CNTNAP2: variants seen among roughly 807,000 people sequenced by gnomAD.
CNTNAP2 encodes the protein contactin-associated protein-like 2.
CNTNAP2 carries 98 observed loss-of-function variants against 155.2 expected under a neutral mutation model. The observed-to-expected ratio is 0.63, with a 90% CI of 0.54 to 0.75. The LOEUF (loss-of-function observed/expected upper bound fraction) is 0.75. Ranked by LOEUF, CNTNAP2 falls within the 30% of genes least tolerant of loss-of-function variation. The pLI is 0.00. For missense variants in CNTNAP2, 1,727 were observed against 1,688.1 expected (o/e 1.02, Z -0.40); for synonymous variants, 651 against 631.2 (o/e 1.03, Z -0.47).
At chr7:146,814,485 T>G (rs1327420011) in intron 2 of CNTNAP2, among the ~76,000 whole-genome samples, 1 of 152,152 alleles carries the variant, frequency 6.6e-6, no homozygotes, top group Non-Finnish European at 1.5e-5. Context: ...TTTGGCATGG[T>G]TGTCTAAATA....
At chr7:146,345,400 A>C (rs1009815311) in intron 1 of CNTNAP2, among the ~76,000 whole-genome samples, 2 of 152,212 alleles carry the variant, frequency 1.3e-5, no homozygotes, top group East Asian at 3.8e-4. Context: ...GTTTGCTGAC[A>C]GCGCCTGATA....
At chr7:147,775,296 TATATATATTTATAA>T (rs1398313498) in intron 13 of CNTNAP2, among the ~76,000 whole-genome samples, 2 of 40,910 alleles carry the variant, frequency 4.9e-5, no homozygotes, top group African/African-American at 4.0e-4. Context: ...TATATATATT[TATATATATTTATAA>T]ATATATATAT....
intron 1 of CNTNAP2, among the ~76,000 whole-genome samples, chr7:146,150,224 A>T (rs1259810985): frequency 2.0e-5 from 3 of 152,156 alleles, no homozygotes; most frequent in Non-Finnish European, 4.4e-5. Flanking sequence ...ACTCACTAGA[A>T]TTGCTAAAAT....
chr7:148,129,905 T>C (rs775639326), intron 16 of CNTNAP2, among the ~76,000 whole-genome samples: 2 of 152,172 alleles, frequency 1.3e-5, no homozygotes, highest in Non-Finnish European at 2.9e-5. Flanking sequence ...CTCCTAAGGA[T>C]GATGGGGGGA....
chr7:148,215,200 G>A (rs1417551636), intron 18 of CNTNAP2, among the ~76,000 whole-genome samples: 1 of 152,142 alleles, frequency 6.6e-6, no homozygotes, highest in Non-Finnish European at 1.5e-5. Context: ...GCATTGCAAT[G>A]GGAATATGCA....
chr7:147,255,334 A>G (rs927569942), intron 8 of CNTNAP2, among the ~76,000 whole-genome samples: 1 of 151,924 alleles, frequency 6.6e-6, no homozygotes, highest in African/African-American at 2.4e-5. Context: ...CAAACTTCCC[A>G]CCTCAGCCTC....
In CNTNAP2 at chr7:146,650,574, G is replaced by T. The variant is rs541515938; in HGVS notation, c.98-123697G>T. 3.9e-5 allele frequency among the ~76,000 whole-genome samples: 6 copies of T among 152,154 alleles called. No homozygotes were observed. The East Asian group carries it at 1.2e-3, about 29-fold the overall frequency. On this transcript the variant is annotated intron_variant, in intron 1 of 23. Coordinates refer to ENST00000361727, the MANE Select transcript of CNTNAP2 (RefSeq NM_014141.6). ...GGGGGGCTAGGAGGAATAGCATTAGGAGAAATACCTAATGTAGATGACGAG... is the reference window on the plus strand; with the variant it reads ...GGGGGGCTAGGAGGAATAGCATTAGTAGAAATACCTAATGTAGATGACGAG...
chr7:148,347,155 G>T (rs1445471871), intron 21 of CNTNAP2, among the ~76,000 whole-genome samples: 17 of 152,098 alleles, frequency 1.1e-4, no homozygotes, highest in Non-Finnish European at 2.4e-4. Context: ...TACTTGGGAG[G>T]CTGAGGCAGG....
At chr7:146,978,584 C>G (rs951381429) in intron 3 of CNTNAP2, among the ~76,000 whole-genome samples, 6 of 151,954 alleles carry the variant, frequency 3.9e-5, no homozygotes, top group African/African-American at 1.4e-4. Context: ...TGTGTTCTCT[C>G]TCTCCCTCTC....
At chr7:147,799,628 G>A (rs1312156221) in intron 13 of CNTNAP2, among the ~76,000 whole-genome samples, 1 of 152,238 alleles carries the variant, frequency 6.6e-6, no homozygotes, top group Non-Finnish European at 1.5e-5. Context: ...GCAGAATTTA[G>A]GAAGATGTAT....
intron 8 of CNTNAP2, among the ~76,000 whole-genome samples, chr7:147,242,636 C>T (rs1056029319): frequency 1.3e-5 from 2 of 152,058 alleles, no homozygotes; most frequent in African/African-American, 4.8e-5. Flanking sequence ...TTTTCCTTAT[C>T]GCTCTTTTGA....
chr7:148,336,073 C>T (rs907166632), intron 21 of CNTNAP2, among the ~76,000 whole-genome samples: 3 of 152,150 alleles, frequency 2.0e-5, no homozygotes, highest in Admixed American at 6.5e-5. Flanking sequence ...TAAGTAACTG[C>T]CTCTCATTAC....
chr7:147,141,809 C>A (rs1801603244), intron 8 of CNTNAP2, among the ~76,000 whole-genome samples: 1 of 152,094 alleles, frequency 6.6e-6, no homozygotes, highest in African/African-American at 2.4e-5. Flanking sequence ...GGGGTTCTCA[C>A]AGGAGCATTT....
intron 13 of CNTNAP2, among the ~76,000 whole-genome samples, chr7:147,796,618 T>C (rs1797899614): frequency 6.6e-6 from 1 of 151,794 alleles, no homozygotes; most frequent in African/African-American, 2.4e-5. Context: ...TTGTGAATTA[T>C]CCATAACAAG....
intron 1 of CNTNAP2, among the ~76,000 whole-genome samples, chr7:146,515,134 C>T (rs913448990): frequency 6.6e-6 from 1 of 152,030 alleles, no homozygotes; most frequent in Admixed American, 6.6e-5. Context: ...TCTGTAGAGA[C>T]AGCCTCTAAA....
intron 12 of CNTNAP2, among the ~76,000 whole-genome samples, chr7:147,625,899 T>C (rs1040473961): frequency 3.9e-5 from 6 of 152,108 alleles, no homozygotes; most frequent in African/African-American, 1.4e-4. Flanking sequence ...ATCCAGATCA[T>C]GAGATTATGG....
At chr7:148,326,758 G>A (rs777557745) in intron 21 of CNTNAP2, among the ~76,000 whole-genome samples, 12 of 151,990 alleles carry the variant, frequency 7.9e-5, no homozygotes, top group East Asian at 1.9e-4. Flanking sequence ...CCAGCTACTC[G>A]GGAGGCTGAG....
chr7:148,325,149 T>C (rs1451903826), intron 21 of CNTNAP2, among the ~76,000 whole-genome samples: 1 of 152,262 alleles, frequency 6.6e-6, no homozygotes, highest in African/African-American at 2.4e-5. Context: ...TGGACAGATT[T>C]TTGTCTTTTC....
intron 9 of CNTNAP2, among the ~76,000 whole-genome samples, chr7:147,317,709 A>G (rs943693339): frequency 5.3e-5 from 8 of 151,854 alleles, no homozygotes; most frequent in Non-Finnish European, 1.2e-4. Flanking sequence ...AATTAGGGAG[A>G]TTATTTGTTT....
Sources: allele counts gnomAD v4.1 joint callset (sites outside exome capture counted in the v4.1 genomes callset), GRCh38; gene constraint gnomAD v4.1.1; transcripts MANE v1.5; gene names NCBI Gene and HGNC (gene_info 2026-07-23, HGNC 2026-07-21).